TTC39B: variants seen among roughly 807,000 people sequenced by gnomAD.
TTC39B encodes tetratricopeptide repeat domain 39B.
A neutral mutation model predicts 96.6 loss-of-function variants in TTC39B; 92 were observed. The ratio of observed to expected loss-of-function variants is 0.95; its 90% confidence interval spans 0.80 to 1.13. The LOEUF (loss-of-function observed/expected upper bound fraction) is 1.13. Among genes scored for constraint, TTC39B ranks in the 50% most tolerant of loss-of-function variants. The pLI, the probability that TTC39B is intolerant of heterozygous loss-of-function variation, is 0.00. For missense variants in TTC39B, 955 were observed against 809.3 expected (o/e 1.18, Z -2.18); for synonymous variants, 367 against 299.4 (o/e 1.23, Z -2.33).
intron 14 of TTC39B, 56 bp from the exon 15 acceptor site, chr9:15,187,091 C>A (rs142894691): frequency 3.1e-4 from 402 of 1,304,434 alleles, no homozygotes; most frequent in Non-Finnish European, 4.0e-4. Flanking sequence ...GACATTTCTA[C>A]CTTTCAAATC....
intron 15 of TTC39B, 156 bp downstream of exon 15, chr9:15,186,788 C>A: frequency 1.5e-6 from 1 of 656,876 alleles, no homozygotes; most frequent in Non-Finnish European, 2.7e-6. Flanking sequence ...CTCCACCTCC[C>A]AGGCTTAAGC....
chr9:15,172,106 G>A (rs766836454), exon 20 of TTC39B: 1 of 1,610,118 alleles, frequency 6.2e-7, no homozygotes, highest in Non-Finnish European at 8.5e-7. Flanking sequence ...CTTTGTAGTT[G>A]TTCCTGAAGA....
chr9:15,171,651 A>T (rs897873318), exon 20 of TTC39B: 1 of 149,514 alleles, frequency 6.7e-6, no homozygotes, highest in Admixed American at 6.6e-5. Context: ...AACAAATCCA[A>T]AATTGGCTCA....
chr9:15,190,705 A>G (rs750370225), intron 10 of TTC39B, 43 bp from the exon 11 acceptor site: 1 of 1,496,610 alleles, frequency 6.7e-7, no homozygotes, highest in South Asian at 1.1e-5. Context: ...ACAAGACTGG[A>G]AAATCATATT....
chr9:15,178,646 T>C (rs1284942639), intron 17 of TTC39B, among the ~76,000 whole-genome samples: 2 of 152,228 alleles, frequency 1.3e-5, no homozygotes, highest in African/African-American at 4.8e-5. Flanking sequence ...GTTCACTCTA[T>C]TCACTTTAAA....
intron 11 of TTC39B, 130 bp downstream of exon 11, chr9:15,190,424 C>A: frequency 1.4e-6 from 1 of 699,796 alleles, no homozygotes; most frequent in South Asian, 1.9e-5. Flanking sequence ...TAGCTCACCG[C>A]AGCCTCAAAC....
intron 1 of TTC39B, among the ~76,000 whole-genome samples, chr9:15,278,816 TC>T (rs531955786): frequency 1.1e-3 from 160 of 152,330 alleles, no homozygotes; most frequent in Admixed American, 2.5e-3. Context: ...AGTGAGCATT[TC>T]ACCTCTACAA....
chr9:15,185,578 C>G, intron 15 of TTC39B, 172 bp from the exon 16 acceptor site: 1 of 954,594 alleles, frequency 1.0e-6, no homozygotes, highest in South Asian at 1.8e-5. Context: ...ACTGAATCAG[C>G]AACTCCAGGG....
intron 2 of TTC39B, among the ~76,000 whole-genome samples, chr9:15,233,908 G>T (rs556554666): frequency 6.6e-5 from 10 of 152,018 alleles, no homozygotes; most frequent in African/African-American, 2.4e-4. Flanking sequence ...TCTAGGAAGT[G>T]AGGAGCGCCT....
At chr9:15,184,459 G>T (rs1382873649) in intron 16 of TTC39B, among the ~76,000 whole-genome samples, 2 of 151,162 alleles carry the variant, frequency 1.3e-5, no homozygotes, top group East Asian at 1.9e-4. Context: ...CAGAGTGGAG[G>T]ACTGCAGACA....
chr9:15,214,269 C>A lies in TTC39B; in HGVS notation c.372-20G>T. 1 of 1,586,366 alleles carries A rather than the reference C, an allele frequency of 6.3e-7. No homozygotes were observed. Among genetic ancestry groups the A allele is most frequent in the Non-Finnish European group, 8.6e-7 (1 of 1,156,404 alleles). ...GATGAACTAAAGATCAAGAAAAAAG[C>A]ACAGAGAATTTCTATAGCTTTACGA... On this transcript the variant is annotated intron_variant, in intron 3 of 19. Coordinates refer to ENST00000512701, the Ensembl canonical transcript of TTC39B.
Position 15,225,820 on chromosome 9 carries a change from C to T in TTC39B, c.371+97G>A, listed in dbSNP as rs1821089687. On this transcript the variant is annotated intron_variant, in intron 3 of 19. Transcript: ENST00000512701. ...GCCTCTCCTGACCTCATTGGTTTGT[C>T]AAACGCAATGCACTATGCAAATATC... 4 of 1,132,148 alleles carry T rather than the reference C, an allele frequency of 3.5e-6. No individual in the cohort carries two copies. In the Admixed American group the frequency reaches 8.9e-5, roughly 25 times the overall value. 70.1% of individuals were successfully genotyped at this position (1,132,148 alleles called of 1,614,324 possible).
intron 7 of TTC39B, 56 bp downstream of exon 7, chr9:15,203,767 A>T: frequency 6.9e-7 from 1 of 1,446,414 alleles, no homozygotes; most frequent in Non-Finnish European, 9.6e-7. Flanking sequence ...ACATTTTTCT[A>T]TGCAGCACTG....
chr9:15,217,151 T>C (rs1185537002), intron 3 of TTC39B, among the ~76,000 whole-genome samples: 6 of 152,176 alleles, frequency 3.9e-5, no homozygotes, highest in African/African-American at 1.2e-4. Context: ...GAAACCATAG[T>C]GGCAGAGAGG....
At chr9:15,285,652 A>G (rs544521441) in intron 1 of TTC39B, among the ~76,000 whole-genome samples, 368 of 152,276 alleles carry the variant, frequency 2.4e-3, no homozygotes, top group Non-Finnish European at 4.0e-3. Flanking sequence ...CAGGAGATGG[A>G]GACCATCCTG....
rs376390087 is a variant in TTC39B, at chr9:15,201,125, TTAA to T, written c.760-1203_760-1201del. The stretch of plus-strand genomic sequence containing the variant: ...CTAATTTCATTAATTGCTTAAATAT[TTAA>T]TGTTCTAATTATTATAAGAATCAAT... On this transcript the variant is annotated intron_variant, in intron 7 of 19. Transcript: ENST00000512701. Among the ~76,000 whole-genome samples the T allele has an allele frequency of 4.9e-4, 74 of 152,322 alleles. 2 individuals are homozygous for T. Among genetic ancestry groups the T allele is most frequent in the African/African-American group, 1.7e-3 (71 of 41,576 alleles).
chr9:15,233,634 A>C (rs1216108651), intron 2 of TTC39B, among the ~76,000 whole-genome samples: 2 of 152,184 alleles, frequency 1.3e-5, no homozygotes, highest in Non-Finnish European at 1.5e-5. Flanking sequence ...CCGGGATTGC[A>C]GACGGAGTCT....
intron 4 of TTC39B, 101 bp downstream of exon 4, chr9:15,214,038 T>C (rs1451454218): frequency 2.4e-6 from 2 of 834,686 alleles, no homozygotes; most frequent in African/African-American, 3.4e-5. Context: ...AGCTTATCAA[T>C]ATTCAGATGG....
rs111383094 is a variant in TTC39B, at chr9:15,291,448, C to T, written c.240+15636G>A. On this transcript the variant is annotated intron_variant, in intron 1 of 19. Coordinates refer to ENST00000512701, the Ensembl canonical transcript of TTC39B. ...TGCGATGATGGTGAGGCCTCCCCAG[C>T]CACAGTGAACTGTAAGTCCATTAAA... Among the ~76,000 whole-genome samples the T allele has an allele frequency of 1.2e-3, 187 of 152,308 alleles. 1 individual carries two copies. The highest frequency in any genetic ancestry group is 4.1e-3 in the African/African-American group (172 of 41,566).
Sources: allele counts gnomAD v4.1 joint callset (sites outside exome capture counted in the v4.1 genomes callset), GRCh38; gene constraint gnomAD v4.1.1; transcripts MANE v1.5; gene names NCBI Gene and HGNC (gene_info 2026-07-23, HGNC 2026-07-21).